The following ZNF592 variants were observed in gnomAD, a reference collection of about 807,000 sequenced individuals.
ZNF592 encodes the protein zinc finger protein 592, also known as spinocerebellar ataxia, autosomal recessive 5.
A neutral mutation model predicts 80.3 loss-of-function variants in ZNF592; 11 were observed. The ratio of observed to expected loss-of-function variants is 0.14; its 90% confidence interval spans 0.09 to 0.23. The LOEUF is 0.23. ZNF592 is among the 10% of genes least tolerant of loss of function. The pLI, the probability that ZNF592 is intolerant of heterozygous loss-of-function variation, is 1.00. For missense variants in ZNF592, 1,420 were observed against 1,633.9 expected, an observed-to-expected ratio of 0.87 and a Z score of 2.26; for synonymous variants, 646 against 640.3, an observed-to-expected ratio of 1.01 and a Z score of -0.13.
rs1367402707 is a variant in ZNF592 at position 84,798,687 on chromosome 15, C to T, written c.2836C>T (p.Pro946Ser). The change falls in exon 8 of 11, where the codon CCA becomes TCA. Residue 946 changes from proline to serine, a missense_variant. By Grantham distance (74) the Pro-to-Ser change is moderately conservative. This residue lies in a region of ZNF592 where 331 missense variants were observed against 347.0 expected (regional missense o/e 0.95). Coordinates refer to ENST00000560079, the MANE Select transcript of ZNF592 (RefSeq NM_014630.3). The surrounding 1 kb of genome is among the most constrained non-coding windows in gnomAD (Gnocchi z 4.5). ...CCCTGGCTCTCGAGTTCCCACTGAG[C>T]CACCAGCCACTAGTGTGGCTGCTCG... Reference protein sequence around the residue: ...SRPGSRVPTEPPATSVAARSS... With the variant: ...SRPGSRVPTESPATSVAARSS... 6.2e-7 allele frequency: 1 copy of T among 1,613,642 alleles called. No homozygotes were observed. Among genetic ancestry groups the T allele is most frequent in the African/African-American group, 1.3e-5 (1 of 75,062 alleles).
At position 84,784,006 on chromosome 15, in the gene ZNF592, G is replaced by A; in HGVS notation, c.1331G>A (p.Gly444Glu). The change falls in exon 4 of 11, where the codon GGG becomes GAG. Residue 444 changes from glycine to glutamate, a missense_variant. Gly to Glu is a moderately conservative substitution (Grantham distance 98). This residue lies in a region of ZNF592 where 524 missense variants were observed against 628.3 expected (regional missense o/e 0.83). Coordinates refer to ENST00000560079, the MANE Select transcript of ZNF592 (RefSeq NM_014630.3). This position sits in a 1 kb window ranked among gnomAD's most constrained non-coding sequence, Gnocchi z 5.8. ...EAGTNSGSPQ[G>E]ARKGDESMTK... The stretch of plus-strand genomic sequence containing the variant: ...GGCACAAATTCAGGGAGCCCCCAGG[G>A]GGCCAGGAAAGGGGACGAGAGCATG... 6.2e-7 allele frequency: 1 copy of A among 1,610,924 alleles called. No homozygotes were observed. The highest frequency in any genetic ancestry group is 8.5e-7 in the Non-Finnish European group (1 of 1,177,614).
At chr15:84,754,695 C>G (rs1423657322) in intron 1 of ZNF592, among the ~76,000 whole-genome samples, 1 of 149,782 alleles carries the variant, frequency 6.7e-6, no homozygotes, top group Admixed American at 6.6e-5. Context: ...ATTGAAAGAC[C>G]CCGTCTCTTA....
chr15:84,799,250 A>C lies in ZNF592; in HGVS notation c.3137+40A>C. On this transcript the variant is annotated intron_variant, in intron 9 of 10. Coordinates refer to ENST00000560079, the MANE Select transcript of ZNF592 (RefSeq NM_014630.3). The surrounding 1 kb of genome is among the most constrained non-coding windows in gnomAD (Gnocchi z 4.2). ...ATAGTAGTGAGGAGGCCTGAGGTTC[A>C]AAAGACTCTGTCCGTGGCACCACTG... The C allele has an allele frequency of 6.3e-7, 1 of 1,587,048 alleles. No individual in the cohort carries two copies. Among genetic ancestry groups the C allele is most frequent in the Non-Finnish European group, 8.7e-7 (1 of 1,155,252 alleles).
At chr15:84,782,599 G>A in intron 3 of ZNF592, 58 bp from the exon 4 acceptor site, 1 of 1,515,596 alleles carries the variant, frequency 6.6e-7, no homozygotes, top group Non-Finnish European at 9.2e-7. Flanking sequence ...GGTGTGTAGT[G>A]AAGATGGTCC....
At chr15:84,760,065 T>A (rs1157678294) in intron 1 of ZNF592, among the ~76,000 whole-genome samples, 3 of 150,020 alleles carry the variant, frequency 2.0e-5, no homozygotes, top group Admixed American at 6.7e-5. Context: ...ACAGTTGAGA[T>A]GGATAGGCAG....
chr15:84,801,777 C>T, intron 10 of ZNF592, 86 bp from the exon 11 acceptor site: 1 of 1,606,100 alleles, frequency 6.2e-7, no homozygotes, highest in Non-Finnish European at 8.5e-7. Context: ...GTGGTGCTTT[C>T]TTTGAGTCCT....
Position 84,784,975 on chromosome 15 carries a change from A to G in ZNF592, c.2220+80A>G. 1.4e-6 allele frequency: 2 copies of G among 1,469,122 alleles called. No individual in the cohort carries two copies. 91.0% of individuals were successfully genotyped at this position (1,469,122 alleles called of 1,614,324 possible). ...TGACTGGGCATGGAGAGGAAAGCTC[A>G]TTGATATGGGGGCAGTGGTGGAATC... On this transcript the variant is annotated intron_variant, in intron 4 of 10. Coordinates refer to ENST00000560079, the MANE Select transcript of ZNF592 (RefSeq NM_014630.3). The surrounding 1 kb of genome is among the most constrained non-coding windows in gnomAD (Gnocchi z 5.8).
At chr15:84,759,175 A>T (rs1899270797) in intron 1 of ZNF592, among the ~76,000 whole-genome samples, 1 of 152,158 alleles carries the variant, frequency 6.6e-6, no homozygotes, top group South Asian at 2.1e-4. Context: ...TGTAGAGCAT[A>T]AAAGAATCAT....
intron 1 of ZNF592, among the ~76,000 whole-genome samples, chr15:84,756,043 A>G (rs907815086): frequency 6.6e-6 from 1 of 152,156 alleles, no homozygotes; most frequent in Non-Finnish European, 1.5e-5. Context: ...GCTGACTCCT[A>G]TGGACCATTG....
chr15:84,783,955 C>T lies in ZNF592; in HGVS notation c.1280C>T (p.Pro427Leu), dbSNP rs774942364. The T allele has an allele frequency of 3.1e-6, 5 of 1,613,696 alleles. No individual in the cohort carries two copies. In the African/African-American group the frequency reaches 5.3e-5, roughly 17 times the overall value. Residue 427 changes from proline (P) to leucine (L), a missense_variant, in exon 4 of 11, where the codon CCT becomes CTT. Coordinates refer to ENST00000560079, the MANE Select transcript of ZNF592 (RefSeq NM_014630.3). The surrounding 1 kb of genome is among the most constrained non-coding windows in gnomAD (Gnocchi z 5.0). ...APSEMPGDEV[P>L]VEEHFPEAGT... ...AGCGAGATGCCAGGGGATGAGGTGC[C>T]TGTGGAAGAGCACTTTCCTGAGGCA...
chr15:84,801,978 G>C lies in ZNF592; in HGVS notation c.3389G>C (p.Ser1130Thr). 6.2e-7 allele frequency: 1 copy of C among 1,613,982 alleles called. No individual in the cohort carries two copies. Among genetic ancestry groups the C allele is most frequent in the Non-Finnish European group, 8.5e-7 (1 of 1,179,878 alleles). The part of the protein sequence containing the change: ...HKSLFQCAKC[S>T]FATDSGLEFQ... ...TCCCTTTTTCAGTGCGCGAAATGTA[G>C]TTTTGCCACAGACTCGGGGCTCGAG... Residue 1130 changes from serine to threonine, a missense_variant, in exon 11 of 11, where the codon AGT becomes ACT. By Grantham distance (58) the Ser-to-Thr change is moderately conservative. Coordinates refer to ENST00000560079, the MANE Select transcript of ZNF592 (RefSeq NM_014630.3).
intron 1 of ZNF592, among the ~76,000 whole-genome samples, chr15:84,758,755 TCCAAAAA>T (rs1458411350): frequency 2.6e-5 from 1 of 38,510 alleles, no homozygotes; most frequent in Non-Finnish European, 6.1e-5. Context: ...CTACTGAAAA[TCCAAAAA>T]AAAAAAAAAA....
rs761489558 is a variant in ZNF592 at position 84,783,426 on chromosome 15, A to G, written c.751A>G (p.Ser251Gly). ...ALEFNSHPSN[S>G]IGESKGLARE... is the part of the protein sequence containing the mutation. ...GGAGTTCAACAGCCATCCTAGCAACAGTATTGGAGAGTCCAAGGGGCTTGC... is the reference window on the plus strand; with the variant it reads ...GGAGTTCAACAGCCATCCTAGCAACGGTATTGGAGAGTCCAAGGGGCTTGC... The change falls in exon 4 of 11, where the codon AGT becomes GGT. Residue 251 changes from serine to glycine, a missense_variant. By Grantham distance (56) the Ser-to-Gly change is moderately conservative (BLOSUM62 0). This residue lies in a region of ZNF592 where 373 missense variants were observed against 355.5 expected (regional missense o/e 1.05). Coordinates refer to ENST00000560079, the MANE Select transcript of ZNF592 (RefSeq NM_014630.3). The surrounding 1 kb of genome is among the most constrained non-coding windows in gnomAD (Gnocchi z 5.0). 17 of 1,614,090 alleles carry G rather than the reference A, an allele frequency of 1.1e-5. No homozygotes were observed. The South Asian group carries it at 1.6e-4, about 16-fold the overall frequency.
At chr15:84,801,802 T>C in intron 10 of ZNF592, 61 bp from the exon 11 acceptor site, 5 of 1,613,548 alleles carry the variant, frequency 3.1e-6, no homozygotes, top group Non-Finnish European at 4.2e-6. Flanking sequence ...CTCATGGTTA[T>C]GTCTAGGGGC....
chr15:84,800,853 A>G (rs1293231418), intron 10 of ZNF592, among the ~76,000 whole-genome samples: 1 of 152,240 alleles, frequency 6.6e-6, no homozygotes, highest in Non-Finnish European at 1.5e-5. Context: ...TGTGTGCAGT[A>G]ACAAAGACGG....
intron 10 of ZNF592, among the ~76,000 whole-genome samples, chr15:84,801,494 T>A (rs1182427543): frequency 6.6e-6 from 1 of 152,214 alleles, no homozygotes; most frequent in African/African-American, 2.4e-5. Flanking sequence ...AGTAAGACCC[T>A]GCCTCAAAAA....
chr15:84,777,551 G>A (rs1003019124), intron 2 of ZNF592, among the ~76,000 whole-genome samples: 6 of 151,556 alleles, frequency 4.0e-5, no homozygotes, highest in Admixed American at 6.6e-5. Context: ...AGGCTCAAGC[G>A]GTCATCCCAC....
At chr15:84,758,773 A>G (rs1899258775) in intron 1 of ZNF592, among the ~76,000 whole-genome samples, 3 of 151,652 alleles carry the variant, frequency 2.0e-5, no homozygotes, top group African/African-American at 7.3e-5. Context: ...AAAAAAAAAA[A>G]AAGCTGGGCA....
chr15:84,791,849 T>C (rs68007905), intron 5 of ZNF592, among the ~76,000 whole-genome samples: 9,083 of 152,222 alleles, frequency 0.06, 333 homozygotes, highest in African/African-American at 0.074. Flanking sequence ...TCAGGAATGA[T>C]GAGTATGGTT....
Sources: allele counts gnomAD v4.1 joint callset (sites outside exome capture counted in the v4.1 genomes callset), GRCh38; gene constraint gnomAD v4.1.1; regional missense constraint gnomAD v4.1.1; non-coding constraint Gnocchi (gnomAD v3.1); transcripts MANE v1.5; gene names NCBI Gene and HGNC (gene_info 2026-07-23, HGNC 2026-07-21).